Variants in CD200 observed in about 807,000 individuals in gnomAD.
CD200 encodes the protein OX-2 membrane glycoprotein.
In CD200, 15 loss-of-function variants were observed where a neutral mutation model predicts 30.9. The ratio of observed to expected loss-of-function variants is 0.49; its 90% CI spans 0.32 to 0.75. The LOEUF (loss-of-function observed/expected upper bound fraction) is 0.75, where lower values mean the gene tolerates loss of function less well. Ranked by LOEUF, CD200 falls within the 30% of genes least tolerant of loss-of-function variation. The pLI, the probability that CD200 is intolerant of heterozygous loss-of-function variation, is 0.03. For synonymous variants in CD200, 134 were observed against 126.2 expected (o/e 1.06, Z -0.41); for missense variants, 262 against 324.2 (o/e 0.81, Z 1.47).
At position 112,333,263 on chromosome 3, in the gene CD200, AG is replaced by A. The variant is rs1559777062; in HGVS notation, c.12+41del. On this transcript the variant is annotated intron_variant, in intron 1 of 5. Coordinates refer to ENST00000315711, the MANE Select transcript of CD200 (RefSeq NM_005944.7). The stretch of plus-strand genomic sequence containing the variant: ...GGGCTTGGGAAGGAGGGCGCAGGGC[AG>A]GCGATGTTGAGCCGGTGGCCCTGGG... 3 of 1,543,946 alleles carry A rather than the reference AG, an allele frequency of 1.9e-6. No individual in the cohort carries two copies. In the South Asian group the frequency reaches 3.6e-5, roughly 18 times the overall value.
intron 1 of CD200, among the ~76,000 whole-genome samples, chr3:112,337,675 T>C (rs1160308479): frequency 2.0e-5 from 3 of 152,198 alleles, no homozygotes; most frequent in Non-Finnish European, 4.4e-5. Context: ...ATATCTGCCT[T>C]ATGCACCATT....
intron 5 of CD200, among the ~76,000 whole-genome samples, chr3:112,351,369 T>G (rs1245180909): frequency 1.3e-5 from 2 of 152,210 alleles, no homozygotes; most frequent in Non-Finnish European, 2.9e-5. Context: ...TAAATTCATT[T>G]TTAAAAGTCC....
chr3:112,345,025 T>C lies in CD200; in HGVS notation c.158T>C (p.Leu53Pro). 6.2e-7 allele frequency: 1 copy of C among 1,614,092 alleles called. No homozygotes were observed. Among genetic ancestry groups the C allele is most frequent in the Non-Finnish European group, 8.5e-7 (1 of 1,179,990 alleles). Residue 53 changes from leucine to proline, a missense_variant, in exon 3 of 6, where the codon CTG (leucine) becomes CCG (proline). Coordinates refer to ENST00000315711, the MANE Select transcript of CD200 (RefSeq NM_005944.7). The stretch of plus-strand genomic sequence containing the variant: ...ACACCTGCTTCCTTAAAATGCTCTC[T>C]GCAAAATGCCCAGGAAGCCCTCATT... ...LYTPASLKCS[L>P]QNAQEALIVT... is the part of the protein sequence containing the mutation.
chr3:112,359,786 G>C (rs537838321), intron 5 of CD200, among the ~76,000 whole-genome samples: 6 of 152,040 alleles, frequency 3.9e-5, no homozygotes, highest in Non-Finnish European at 8.8e-5. Flanking sequence ...AACAAATAAG[G>C]ATACTATTAA....
rs148808169 is a variant in CD200 at position 112,341,127 on chromosome 3, G to A, written c.94+144G>A. On this transcript the variant is annotated intron_variant, in intron 2 of 5. Transcript: ENST00000315711. ...ATGTAATCTGCCTGGAGGAGTGGAC[G>A]TGGTTCTTTTCTGCTTTCCACACTT... The A allele has an allele frequency of 1.2e-3, 591 of 490,986 alleles. 3 individuals carry two copies. The highest frequency in any genetic ancestry group is 3.0e-3 in the African/African-American group (154 of 50,726). The allele number at this position is 490,986 out of a possible 1,614,324, so 30.4% of individuals were successfully genotyped here.
intron 5 of CD200, among the ~76,000 whole-genome samples, chr3:112,354,562 G>GTAT (rs1283429383): frequency 1.1e-4 from 17 of 152,196 alleles, no homozygotes; most frequent in Admixed American, 3.3e-4. Context: ...GAAGCCAACT[G>GTAT]TATGCTATTT....
intron 5 of CD200, among the ~76,000 whole-genome samples, chr3:112,352,012 A>G (rs778501005): frequency 8.6e-5 from 13 of 151,916 alleles, no homozygotes; most frequent in Non-Finnish European, 1.9e-4. Context: ...CCCCTTAAAC[A>G]CCTCCCATTA....
At chr3:112,346,242 C>T (rs2081389571) in intron 3 of CD200, among the ~76,000 whole-genome samples, 1 of 151,540 alleles carries the variant, frequency 6.6e-6, no homozygotes. Flanking sequence ...TCCCTGTCTC[C>T]TTCCTTCCTT....
intron 1 of CD200, among the ~76,000 whole-genome samples, chr3:112,339,474 T>A (rs1486670687): frequency 6.6e-6 from 1 of 152,174 alleles, no homozygotes; most frequent in Non-Finnish European, 1.5e-5. Flanking sequence ...CTGATTGATG[T>A]CTATGCTCAG....
intron 5 of CD200, among the ~76,000 whole-genome samples, chr3:112,356,542 G>A (rs905959660): frequency 2.6e-5 from 4 of 152,032 alleles, no homozygotes; most frequent in African/African-American, 9.7e-5. Context: ...ACAATACATT[G>A]TTATTAACCG....
At chr3:112,361,238 G>T (rs2081735310) in intron 5 of CD200, among the ~76,000 whole-genome samples, 1 of 151,716 alleles carries the variant, frequency 6.6e-6, no homozygotes, top group South Asian at 2.1e-4. Flanking sequence ...TAGAGACAAG[G>T]TCTTACTATG....
At chr3:112,333,255 C>G in intron 1 of CD200, 31 bp downstream of exon 1, 2 of 1,547,044 alleles carry the variant, frequency 1.3e-6, no homozygotes, top group Non-Finnish European at 1.7e-6. Context: ...GGAAGGAGGG[C>G]GCAGGGCAGG....
At chr3:112,357,138 G>T (rs1323591161) in intron 5 of CD200, among the ~76,000 whole-genome samples, 1 of 151,874 alleles carries the variant, frequency 6.6e-6, no homozygotes, top group African/African-American at 2.4e-5. Flanking sequence ...GTGGGCGCCT[G>T]TAGTCCCAGC....
intron 2 of CD200, among the ~76,000 whole-genome samples, chr3:112,343,546 C>G (rs999126378): frequency 3.3e-5 from 5 of 152,176 alleles, no homozygotes; most frequent in Non-Finnish European, 5.9e-5. Context: ...TCAAGTGAGT[C>G]TTCTACTTTG....
At chr3:112,339,085 A>G (rs1286797382) in intron 1 of CD200, among the ~76,000 whole-genome samples, 4 of 152,222 alleles carry the variant, frequency 2.6e-5, no homozygotes, top group Non-Finnish European at 5.9e-5. Context: ...TACATAATAA[A>G]TGTTAAATAA....
intron 5 of CD200, among the ~76,000 whole-genome samples, chr3:112,352,695 G>T (rs1163399064): frequency 6.6e-6 from 1 of 152,162 alleles, no homozygotes; most frequent in Non-Finnish European, 1.5e-5. Flanking sequence ...GGTAAGTAAG[G>T]TAAGTCTGTT....
At chr3:112,335,938 C>G in intron 1 of CD200, 2 of 1,605,672 alleles carry the variant, frequency 1.2e-6, no homozygotes, top group Non-Finnish European at 1.7e-6. Flanking sequence ...GATCTCAAAC[C>G]ACAGACTCTG....
At chr3:112,347,514 C>G (rs373705747) in intron 3 of CD200, 44 bp from the exon 4 acceptor site, 1 of 1,590,570 alleles carries the variant, frequency 6.3e-7, no homozygotes, top group African/African-American at 1.3e-5. Context: ...GGACTCAGAC[C>G]AGGTGCTTAA....
chr3:112,348,411 C>T (rs2081453144), intron 4 of CD200, among the ~76,000 whole-genome samples: 2 of 152,214 alleles, frequency 1.3e-5, no homozygotes, highest in Non-Finnish European at 2.9e-5. Flanking sequence ...CATTTTAAAG[C>T]AAACTGCCTC....
Sources: gnomAD v4.1 joint callset for allele counts (sites outside exome capture counted in the v4.1 genomes callset) on GRCh38, gnomAD v4.1.1 for gene constraint, MANE v1.5 for transcripts, NCBI Gene and HGNC (gene_info 2026-07-23, HGNC 2026-07-21) for gene names.